ENTHD1: variants seen among roughly 807,000 people sequenced by gnomAD.
The protein encoded by ENTHD1 is ENTH domain containing 1, also known as ENTH domain-containing protein 1.
In ENTHD1, 23 loss-of-function variants were observed where a neutral mutation model predicts 39.1. The ratio of observed to expected loss-of-function variants is 0.59; its 90% CI spans 0.42 to 0.83. ENTHD1 has a LOEUF of 0.83. ENTHD1 is among the 40% of genes least tolerant of loss of function. ENTHD1 has a pLI of 0.00. For synonymous variants in ENTHD1, 230 were observed against 258.2 expected, an observed-to-expected ratio of 0.89 and a Z score of 1.05; for missense variants, 624 against 705.4, an observed-to-expected ratio of 0.88 and a Z score of 1.31.
chr22:39,881,803 A>G (rs183088735), intron 2 of ENTHD1, among the ~76,000 whole-genome samples: 42 of 152,232 alleles, frequency 2.8e-4, no homozygotes, highest in African/African-American at 9.9e-4. Flanking sequence ...AAGGCCTCTA[A>G]TAAGACTTTC....
At chr22:39,844,825 A>G (rs776664907) in intron 3 of ENTHD1, among the ~76,000 whole-genome samples, 1 of 152,192 alleles carries the variant, frequency 6.6e-6, no homozygotes, top group Non-Finnish European at 1.5e-5. Flanking sequence ...AGCTAGAGAA[A>G]AAAATGGGTG....
intron 5 of ENTHD1, among the ~76,000 whole-genome samples, chr22:39,809,438 A>G (rs1467676695): frequency 6.6e-6 from 1 of 152,226 alleles, no homozygotes; most frequent in African/African-American, 2.4e-5. Flanking sequence ...TAAAATGTCC[A>G]GGAAAGCCTC....
chr22:39,877,336 C>T (rs554642076), intron 2 of ENTHD1, among the ~76,000 whole-genome samples: 2 of 152,208 alleles, frequency 1.3e-5, no homozygotes, highest in African/African-American at 4.8e-5. Flanking sequence ...ATAAACCTGA[C>T]TTCTGATCCA....
At chr22:39,746,976 T>C (rs1019748140) in intron 6 of ENTHD1, among the ~76,000 whole-genome samples, 2 of 152,206 alleles carry the variant, frequency 1.3e-5, no homozygotes, top group Non-Finnish European at 2.9e-5. Flanking sequence ...ACTTTTCAAA[T>C]GCCTGTTTTG....
chr22:39,790,840 T>C (rs193078452), intron 5 of ENTHD1, among the ~76,000 whole-genome samples: 2 of 152,216 alleles, frequency 1.3e-5, no homozygotes, highest in Admixed American at 6.5e-5. Context: ...CACAAGGGAG[T>C]TGGGTGAAGA....
At chr22:39,794,424 T>G (rs2065530476) in intron 5 of ENTHD1, among the ~76,000 whole-genome samples, 1 of 152,192 alleles carries the variant, frequency 6.6e-6, no homozygotes, top group Non-Finnish European at 1.5e-5. Context: ...TTACTTCTTT[T>G]CCAATTTGGA....
chr22:39,852,471 A>G (rs775358403), intron 3 of ENTHD1, among the ~76,000 whole-genome samples: 10 of 152,248 alleles, frequency 6.6e-5, no homozygotes, highest in Non-Finnish European at 1.0e-4. Flanking sequence ...AATAAAAAAG[A>G]AACAGTTATG....
At chr22:39,854,376 AATC>A (rs1484234082) in intron 3 of ENTHD1, among the ~76,000 whole-genome samples, 5 of 152,236 alleles carry the variant, frequency 3.3e-5, no homozygotes, top group Admixed American at 1.3e-4. Context: ...AGACCAGAGT[AATC>A]CTTAATACAG....
At chr22:39,889,042 C>T (rs2066406197) in intron 1 of ENTHD1, among the ~76,000 whole-genome samples, 1 of 152,118 alleles carries the variant, frequency 6.6e-6, no homozygotes, top group Non-Finnish European at 1.5e-5. Flanking sequence ...ACTATGAAGA[C>T]AAACAGCTGT....
At chr22:39,827,690 T>C (rs2065837508) in intron 4 of ENTHD1, among the ~76,000 whole-genome samples, 1 of 152,192 alleles carries the variant, frequency 6.6e-6, no homozygotes, top group Admixed American at 6.5e-5. Context: ...ATCAAGATGA[T>C]AGACTATATA....
At position 39,766,019 on chromosome 22, in the gene ENTHD1, C is replaced by CAAAAA. The variant is rs11367784; in HGVS notation, c.833-415_833-411dup. 4.9e-3 allele frequency among the ~76,000 whole-genome samples: 239 copies of CAAAAA among 48,354 alleles called. 1 individual carries two copies. Among genetic ancestry groups the CAAAAA allele is most frequent in the Admixed American group, 6.6e-3 (19 of 2,886 alleles). 31.7% of individuals were successfully genotyped at this position (48,354 alleles called of 152,430 possible). A position where few individuals can be genotyped will look rare whatever the true frequency, so the allele number is the denominator to read the frequency against. On this transcript the variant is annotated intron_variant, in intron 5 of 6. Transcript: ENST00000325157. Reference sequence around the variant, plus strand: ...TCTATCCTTACAGAACCCTCAGCTACAAAAAAAAAAAAAAAAAAAAAAAAA... The same window carrying CAAAAA: ...TCTATCCTTACAGAACCCTCAGCTACAAAAAAAAAAAAAAAAAAAAAAAAAAAAAA...
At chr22:39,758,165 G>T (rs527834824) in intron 6 of ENTHD1, among the ~76,000 whole-genome samples, 8 of 152,268 alleles carry the variant, frequency 5.3e-5, no homozygotes, top group African/African-American at 1.7e-4. Context: ...TAGCCTGTTT[G>T]ACAGACTCTT....
At chr22:39,892,902 G>A (rs1036796171) in intron 1 of ENTHD1, among the ~76,000 whole-genome samples, 4 of 152,172 alleles carry the variant, frequency 2.6e-5, no homozygotes, top group Non-Finnish European at 4.4e-5. Flanking sequence ...AAAGAATACT[G>A]TCAGAGGCAG....
chr22:39,817,440 A>G (rs2065742336), intron 5 of ENTHD1, among the ~76,000 whole-genome samples: 3 of 152,222 alleles, frequency 2.0e-5, no homozygotes. Context: ...TAGTCAAGTG[A>G]TATTCTTAAG....
At chr22:39,891,449 A>T (rs1713712374) in intron 1 of ENTHD1, among the ~76,000 whole-genome samples, 1 of 151,178 alleles carries the variant, frequency 6.6e-6, no homozygotes, top group Admixed American at 6.6e-5. Flanking sequence ...ACCTGCACTG[A>T]TTCTATAGCT....
At chr22:39,769,687 A>G (rs5757793) in intron 5 of ENTHD1, among the ~76,000 whole-genome samples, 139,931 of 152,110 alleles carry the variant, frequency 0.92, 64,557 homozygotes, top group East Asian at 1. Flanking sequence ...TATGGGGTGG[A>G]GCATCAACAG....
intron 5 of ENTHD1, among the ~76,000 whole-genome samples, chr22:39,790,612 G>C (rs1275279643): frequency 6.6e-6 from 1 of 152,116 alleles, no homozygotes; most frequent in Non-Finnish European, 1.5e-5. Context: ...GACCAGCTTG[G>C]GGCACAGGCC....
chr22:39,859,756 A>C (rs2066124619), intron 3 of ENTHD1, among the ~76,000 whole-genome samples: 1 of 152,222 alleles, frequency 6.6e-6, no homozygotes, highest in Non-Finnish European at 1.5e-5. Flanking sequence ...AAAGTTAAAA[A>C]TATTGCAAGA....
chr22:39,817,423 C>T (rs886340622), intron 5 of ENTHD1, among the ~76,000 whole-genome samples: 3 of 151,994 alleles, frequency 2.0e-5, no homozygotes, highest in African/African-American at 4.8e-5. Flanking sequence ...TGACATACAC[C>T]GAAGGATAGT....
Sources: allele counts gnomAD v4.1 joint callset (sites outside exome capture counted in the v4.1 genomes callset), GRCh38; gene constraint gnomAD v4.1.1; transcripts MANE v1.5; gene names NCBI Gene and HGNC (gene_info 2026-07-23, HGNC 2026-07-21).